NCOA1: variants seen among roughly 807,000 people sequenced by gnomAD.
The protein encoded by NCOA1 is Hin-2 protein.
Under a neutral mutation model 150.9 loss-of-function variants are expected in NCOA1, and 35 were observed. That is an observed-to-expected ratio of 0.23 (90% CI 0.18 to 0.31). NCOA1 has a LOEUF of 0.31. Ranked by LOEUF, NCOA1 falls within the 10% of genes least tolerant of loss-of-function variation. NCOA1 has a pLI of 1.00. For missense variants in NCOA1, 1,491 were observed against 1,749.3 expected, an observed-to-expected ratio of 0.85 and a Z score of 2.63; for synonymous variants, 590 against 630.0, an observed-to-expected ratio of 0.94 and a Z score of 0.95.
chr2:24,745,322 C>G (rs574703059), intron 19 of NCOA1, among the ~76,000 whole-genome samples: 17 of 151,786 alleles, frequency 1.1e-4, no homozygotes, highest in African/African-American at 3.9e-4. Context: ...CTACCACGCC[C>G]GGCTAATTTT....
intron 3 of NCOA1, among the ~76,000 whole-genome samples, chr2:24,628,485 T>A (rs1669532730): frequency 6.6e-6 from 1 of 152,036 alleles, no homozygotes; most frequent in African/African-American, 2.4e-5. Context: ...CATATATTAA[T>A]TTTTTTTAAT....
At position 24,569,963 on chromosome 2, in the gene NCOA1, G is replaced by A. The variant is rs141143192; in HGVS notation, c.-260+5533G>A. Among the ~76,000 whole-genome samples the A allele has an allele frequency of 4.2e-3, 629 of 150,632 alleles. 5 individuals are homozygous for A. The highest frequency in any genetic ancestry group is 0.015 in the African/African-American group (609 of 41,102). On this transcript the variant is annotated intron_variant, in intron 2 of 22. Transcript: ENST00000348332. The stretch of plus-strand genomic sequence containing the variant: ...AGAACATGGAAAAATACTTCCCAGA[G>A]TCAAAATGCAAGCAGAAAGTAGATT...
intron 1 of NCOA1, among the ~76,000 whole-genome samples, chr2:24,500,809 A>G (rs559931291): frequency 6.6e-6 from 1 of 152,356 alleles, no homozygotes; most frequent in South Asian, 2.1e-4. Flanking sequence ...TAATAGGGTA[A>G]GTTCTTAACA....
At chr2:24,705,361 GTATATA>G (rs1260653917) in intron 12 of NCOA1, 128 bp downstream of exon 12, 2 of 855,324 alleles carry the variant, frequency 2.3e-6, no homozygotes, top group East Asian at 5.1e-5. Context: ...AGTGTGATGA[GTATATA>G]TAATCAATAT....
At chr2:24,650,267 A>T (rs530304741) in intron 4 of NCOA1, among the ~76,000 whole-genome samples, 1 of 152,056 alleles carries the variant, frequency 6.6e-6, no homozygotes, top group East Asian at 1.9e-4. Context: ...TACCCATTCA[A>T]TTAGCTTCAA....
At chr2:24,540,017 C>G (rs186700211) in intron 1 of NCOA1, among the ~76,000 whole-genome samples, 1 of 152,240 alleles carries the variant, frequency 6.6e-6, no homozygotes, top group African/African-American at 2.4e-5. Flanking sequence ...GTCTAGAAGA[C>G]GAAGGACTGA....
chr2:24,720,174 A>C (rs750510794), intron 14 of NCOA1, among the ~76,000 whole-genome samples: 26 of 152,352 alleles, frequency 1.7e-4, no homozygotes, highest in Non-Finnish European at 1.9e-4. Flanking sequence ...GCATATTTAG[A>C]AATAAATAGG....
At chr2:24,535,047 G>A (rs568748379) in intron 1 of NCOA1, among the ~76,000 whole-genome samples, 12 of 152,116 alleles carry the variant, frequency 7.9e-5, no homozygotes, top group African/African-American at 2.7e-4. Flanking sequence ...TTGACAGTGG[G>A]GTGTTAAAGT....
At chr2:24,512,795 G>A (rs1311307147) in intron 1 of NCOA1, among the ~76,000 whole-genome samples, 1 of 152,204 alleles carries the variant, frequency 6.6e-6, no homozygotes, top group East Asian at 1.9e-4. Context: ...AAACACTACA[G>A]TTGTGAAATG....
Position 24,693,284 on chromosome 2 carries a change from C to A in NCOA1, c.745C>A (p.Arg249=). The change falls in exon 10 of 23, where the codon CGA becomes AGA. Residue 249 remains arginine (R), a synonymous_variant. Coordinates refer to ENST00000348332, the MANE Select transcript of NCOA1 (RefSeq NM_003743.5). ...FQSCLICIAR[R]LPRPPAITGV... ...GTCATGTCTGATTTGTATTGCACGG[C>A]GATTACCTCGGCCTCCAGCTATTAC... 2.5e-6 allele frequency: 4 copies of A among 1,614,134 alleles called. No individual in the cohort carries two copies. The highest frequency in any genetic ancestry group is 3.4e-6 in the Non-Finnish European group (4 of 1,180,024).
At chr2:24,545,964 A>G (rs1665590825) in intron 1 of NCOA1, among the ~76,000 whole-genome samples, 1 of 151,920 alleles carries the variant, frequency 6.6e-6, no homozygotes, top group Admixed American at 6.6e-5. Context: ...TAATTTTTGT[A>G]TTTTAGTAGA....
intron 3 of NCOA1, among the ~76,000 whole-genome samples, chr2:24,641,092 A>G (rs1386181489): frequency 6.6e-6 from 1 of 151,902 alleles, no homozygotes. Flanking sequence ...AAATTCCTTT[A>G]TAACCTTTTG....
chr2:24,701,020 T>C (rs1268545566), intron 11 of NCOA1, among the ~76,000 whole-genome samples: 1 of 152,226 alleles, frequency 6.6e-6, no homozygotes, highest in African/African-American at 2.4e-5. Context: ...TAAATTTTGT[T>C]ATTGAGACTT....
At chr2:24,618,053 A>G (rs7601172) in intron 3 of NCOA1, among the ~76,000 whole-genome samples, 63,854 of 151,796 alleles carry the variant, frequency 0.42, 14,746 homozygotes, top group Admixed American at 0.59. Context: ...GAAAGAATGC[A>G]TATGCAGATA....
intron 1 of NCOA1, among the ~76,000 whole-genome samples, chr2:24,509,729 A>G (rs986253892): frequency 6.6e-6 from 1 of 152,236 alleles, no homozygotes; most frequent in African/African-American, 2.4e-5. Flanking sequence ...CATTTGCCAT[A>G]TATGTAGGCT....
intron 1 of NCOA1, among the ~76,000 whole-genome samples, chr2:24,528,447 A>G (rs1426240064): frequency 6.6e-6 from 1 of 151,214 alleles, no homozygotes; most frequent in Non-Finnish European, 1.5e-5. Flanking sequence ...TTTGGGCTCA[A>G]GTGATCCTCT....
At chr2:24,635,232 T>G (rs1669889515) in intron 3 of NCOA1, among the ~76,000 whole-genome samples, 1 of 152,166 alleles carries the variant, frequency 6.6e-6, no homozygotes, top group African/African-American at 2.4e-5. Context: ...GGTTTTTATA[T>G]TTTTCACTTC....
Position 24,743,333 on chromosome 2 carries a change from A to G in NCOA1, c.3706+1147A>G, listed in dbSNP as rs373207372. Among the ~76,000 whole-genome samples, 87 of 152,354 alleles carry G rather than the reference A, an allele frequency of 5.7e-4. 2 individuals carry two copies. In the East Asian group the frequency reaches 0.01, roughly 18 times the overall value. The stretch of plus-strand genomic sequence containing the variant: ...CTTATCAGTTTTGACAGCCAAATCA[A>G]TTTAGAGTTTCCATTCTGATGGTAG... On this transcript the variant is annotated intron_variant, in intron 19 of 22. Transcript: ENST00000348332.
intron 1 of NCOA1, among the ~76,000 whole-genome samples, chr2:24,492,776 A>T (rs766181689): frequency 5.3e-5 from 8 of 152,192 alleles, no homozygotes; most frequent in Non-Finnish European, 1.0e-4. Flanking sequence ...TGTGGATGCC[A>T]AGAGGAATCT....
Sources: gnomAD v4.1 joint callset for allele counts (sites outside exome capture counted in the v4.1 genomes callset) on GRCh38, gnomAD v4.1.1 for gene constraint, MANE v1.5 for transcripts, NCBI Gene and HGNC (gene_info 2026-07-23, HGNC 2026-07-21) for gene names.